Variants in CLEC7A observed in about 807,000 individuals in gnomAD.
The protein encoded by CLEC7A is C-type lectin domain family 7 member A.
Under a neutral mutation model 26.9 loss-of-function variants are expected in CLEC7A, and 25 were observed. The ratio of observed to expected loss-of-function variants is 0.93; its 90% confidence interval spans 0.68 to 1.30. The LOEUF is 1.30. Ranked by LOEUF, CLEC7A falls within the 50% of genes most tolerant of loss-of-function variation. The pLI, the probability that CLEC7A is intolerant of heterozygous loss-of-function variation, is 0.00. For synonymous variants in CLEC7A, 100 were observed against 99.5 expected (o/e 1.01, Z -0.03); for missense variants, 275 against 286.7 (o/e 0.96, Z 0.29).
In CLEC7A at chr12:10,116,800, A is replaced by G. The variant is rs999467546; in HGVS notation, c.*1658T>C. 4 of 151,622 alleles carry G rather than the reference A, an allele frequency of 2.6e-5. No homozygotes were observed. The highest frequency in any genetic ancestry group is 7.3e-5 in the African/African-American group (3 of 40,980). The allele number at this position is 151,622 out of a possible 1,614,324, so 9.4% of individuals were successfully genotyped here. A position where few individuals can be genotyped will look rare whatever the true frequency, so the allele number is the denominator to read the frequency against. On this transcript the variant is annotated 3_prime_UTR_variant, in exon 6 of 6. Coordinates refer to ENST00000304084, the MANE Select transcript of CLEC7A (RefSeq NM_197947.3). ...GGTTTTTTGATAAGAGTTTTTTTTT[A>G]TTGAAATGAAATCCACATAACATAA...
At position 10,126,690 on chromosome 12, in the gene CLEC7A, G is replaced by T; in HGVS notation, c.221C>A (p.Ser74Ter). Reference sequence around the variant, plus strand: ...GCCATTCTCCAATGTGTTGCTTCCTGAATTGGATCTCCAAATAGCTTCACA... The same window carrying T: ...GCCATTCTCCAATGTGTTGCTTCCTTAATTGGATCTCCAAATAGCTTCACA... Reference protein sequence around the residue: ...LGTMAIWRSNSGSNTLENGYF... With the variant: ...LGTMAIWRSN The change falls in exon 3 of 6, where the codon TCA becomes TAA. Residue 74 changes from serine (S) to a stop codon, truncating the protein, a stop_gained. Transcript: ENST00000304084. LOFTEE classifies it high-confidence loss of function. 1 of 1,610,598 alleles carries T rather than the reference G, an allele frequency of 6.2e-7. No homozygotes were observed. Among genetic ancestry groups the T allele is most frequent in the South Asian group, 1.1e-5 (1 of 90,576 alleles).
At chr12:10,126,291 G>A (rs1198769249) in intron 3 of CLEC7A, 1 of 982,678 alleles carries the variant, frequency 1.0e-6, no homozygotes, top group Non-Finnish European at 1.2e-6. Context: ...ATGATCTCCT[G>A]TAGATCTAAG....
At position 10,118,445 on chromosome 12, in the gene CLEC7A, T is replaced by C; in HGVS notation, c.*13A>G. On this transcript the variant is annotated 3_prime_UTR_variant, in exon 6 of 6. Coordinates refer to ENST00000304084, the MANE Select transcript of CLEC7A (RefSeq NM_197947.3). Reference sequence around the variant, plus strand: ...TACCTCACATATTTCTCTCTCCTTCTCCACCCTTCCTCTTACATTGAAAAC... The same window carrying C: ...TACCTCACATATTTCTCTCTCCTTCCCCACCCTTCCTCTTACATTGAAAAC... 8 of 1,602,640 alleles carry C rather than the reference T, an allele frequency of 5.0e-6. No homozygotes were observed. Among genetic ancestry groups the C allele is most frequent in the Non-Finnish European group, 6.8e-6 (8 of 1,170,188 alleles).
intron 4 of CLEC7A, chr12:10,124,897 A>G (rs1051978943): frequency 1.0e-5 from 2 of 192,436 alleles, no homozygotes; most frequent in African/African-American, 4.7e-5. Flanking sequence ...ATAATTATAG[A>G]GATATTAAAA....
intron 5 of CLEC7A, 120 bp downstream of exon 5, chr12:10,123,125 C>T: frequency 7.8e-6 from 5 of 638,622 alleles, no homozygotes; most frequent in South Asian, 3.8e-5. Context: ...TATCTTTCTC[C>T]CTCTCTTTCT....
At chr12:10,126,103 T>A (rs956363491) in intron 3 of CLEC7A, 1 of 833,666 alleles carries the variant, frequency 1.2e-6, no homozygotes, top group Non-Finnish European at 1.4e-6. Flanking sequence ...GTATTAGGTC[T>A]ACCTCTTTTG....
intron 1 of CLEC7A, among the ~76,000 whole-genome samples, chr12:10,128,077 A>AC (rs1357288639): frequency 6.6e-6 from 1 of 150,786 alleles, no homozygotes; most frequent in Non-Finnish European, 1.5e-5. Flanking sequence ...CAAAGAAAGA[A>AC]AAAAAATTTA....
intron 3 of CLEC7A, 97 bp from the exon 4 acceptor site, chr12:10,125,545 A>G: frequency 2.1e-6 from 2 of 944,540 alleles, no homozygotes; most frequent in Non-Finnish European, 3.0e-6. Flanking sequence ...TGAAATAACC[A>G]ATTAGTTGCC....
intron 1 of CLEC7A, among the ~76,000 whole-genome samples, 184 bp from the exon 2 acceptor site, chr12:10,128,029 A>G (rs1453992075): frequency 6.8e-6 from 1 of 147,914 alleles, no homozygotes; most frequent in African/African-American, 2.5e-5. Context: ...TGGGCAACAC[A>G]GGGAGACCCT....
chr12:10,123,375 C>A lies in CLEC7A; in HGVS notation c.493-12G>T. 2.2e-6 allele frequency: 3 copies of A among 1,341,458 alleles called. No homozygotes were observed. The highest frequency in any genetic ancestry group is 3.2e-6 in the Non-Finnish European group (3 of 932,420). 83.1% of individuals were successfully genotyped at this position (1,341,458 alleles called of 1,614,324 possible). A position where few individuals can be genotyped will look rare whatever the true frequency, so the allele number is the denominator to read the frequency against. On this transcript the variant is annotated splice_polypyrimidine_tract_variant and intron_variant, in intron 4 of 5. Coordinates refer to ENST00000304084, the MANE Select transcript of CLEC7A (RefSeq NM_197947.3). ...TTTACTATAAATCCCTGTAATGAAA[C>A]ATATACAAATATATAATAAAGAGAG...
rs202068794 is a variant in CLEC7A, at chr12:10,129,979, C to T, written c.103+1G>A. 2 of 1,561,892 alleles carry T rather than the reference C, an allele frequency of 1.3e-6. No homozygotes were observed. Among genetic ancestry groups the T allele is most frequent in the East Asian group, 2.2e-5 (1 of 44,624 alleles). On this transcript the variant is annotated splice_donor_variant, in intron 1 of 5. Coordinates refer to ENST00000304084, the MANE Select transcript of CLEC7A (RefSeq NM_197947.3). LOFTEE classifies it high-confidence loss of function. ...ACACATTAGAAAAAACATATATATA[C>T]CTTTCTCTGAAACAACAGCTATCCT...
At chr12:10,118,618 T>G (rs748902268) in intron 5 of CLEC7A, 28 bp from the exon 6 acceptor site, 1 of 1,599,100 alleles carries the variant, frequency 6.3e-7, no homozygotes, top group African/African-American at 1.3e-5. Flanking sequence ...AGTGAGGTAA[T>G]TAGAACAAAT....
At chr12:10,123,830 G>A (rs942589184) in intron 4 of CLEC7A, among the ~76,000 whole-genome samples, 2 of 150,388 alleles carry the variant, frequency 1.3e-5, no homozygotes, top group African/African-American at 4.9e-5. Flanking sequence ...GCCAATTTTT[G>A]AATGTCATTG....
intron 5 of CLEC7A, among the ~76,000 whole-genome samples, chr12:10,122,766 C>T (rs1054551241): frequency 2.0e-5 from 3 of 152,098 alleles, no homozygotes; most frequent in East Asian, 1.9e-4. Flanking sequence ...GCTGGGATTA[C>T]GGGTGTGAGC....
intron 5 of CLEC7A, among the ~76,000 whole-genome samples, chr12:10,119,388 T>A (rs1296860098): frequency 6.6e-6 from 1 of 152,230 alleles, no homozygotes; most frequent in Non-Finnish European, 1.5e-5. Context: ...CTGACCAGCA[T>A]TATTCCTTAA....
chr12:10,122,737 C>G (rs4764271), intron 5 of CLEC7A, among the ~76,000 whole-genome samples: 84,853 of 151,932 alleles, frequency 0.56, 28,773 homozygotes, highest in Non-Finnish European at 0.76. Flanking sequence ...GTGATCCGCC[C>G]ACCTGGGCCT....
intron 4 of CLEC7A, chr12:10,124,643 T>C (rs1160099002): frequency 6.6e-6 from 1 of 152,170 alleles, no homozygotes. Flanking sequence ...AAACATATAT[T>C]ATCATTGTTG....
intron 5 of CLEC7A, among the ~76,000 whole-genome samples, chr12:10,119,632 G>C (rs1409056072): frequency 6.6e-6 from 1 of 152,152 alleles, no homozygotes; most frequent in East Asian, 1.9e-4. Context: ...ACTGTACTTA[G>C]CCTAGTAGAA....
At chr12:10,123,535 G>A (rs576007892) in intron 4 of CLEC7A, among the ~76,000 whole-genome samples, 172 bp from the exon 5 acceptor site, 114 of 151,982 alleles carry the variant, frequency 7.5e-4, no homozygotes, top group African/African-American at 2.7e-3. Context: ...GCCGAGGCGG[G>A]TAGATCATGA....
Sources: allele counts gnomAD v4.1 joint callset (sites outside exome capture counted in the v4.1 genomes callset), GRCh38; gene constraint gnomAD v4.1.1; transcripts MANE v1.5; gene names NCBI Gene and HGNC (gene_info 2026-07-23, HGNC 2026-07-21).